VXN: variants seen among roughly 807,000 people sequenced by gnomAD.
VXN encodes the protein uncharacterized protein C8orf46.
Under a neutral mutation model 23.1 loss-of-function variants are expected in VXN, and 7 were observed. That is an observed-to-expected ratio of 0.30 (90% CI 0.17 to 0.57). The LOEUF (loss-of-function observed/expected upper bound fraction) is 0.57. Ranked by LOEUF, VXN falls within the 20% of genes least tolerant of loss-of-function variation. The probability of loss-of-function intolerance (pLI) is 0.91; values close to 1 mark genes in which losing one functional copy is unlikely to be tolerated. For synonymous variants in VXN, 120 were observed against 105.8 expected, an observed-to-expected ratio of 1.13 and a Z score of -0.83; for missense variants, 238 against 272.6, an observed-to-expected ratio of 0.87 and a Z score of 0.89.
chr8:66,503,389 TCTAA>T (rs956788157), intron 2 of VXN: 2 of 152,192 alleles, frequency 1.3e-5, no homozygotes, highest in Non-Finnish European at 2.9e-5. Flanking sequence ...TGACTGTCTT[TCTAA>T]CTGTCTATCA....
rs180939093 is a variant in VXN at position 66,509,284 on chromosome 8, C to G, written c.281-812C>G. On this transcript the variant is annotated intron_variant, in intron 3 of 5. Transcript: ENST00000305454. ...CAGAGAGACCTGTGCTGAAAGCCAG[C>G]TTTCCCCTACGTTTTATCAGCTACC... 1.9e-3 allele frequency among the ~76,000 whole-genome samples: 293 copies of G among 152,314 alleles called. 2 individuals are homozygous for G. The highest frequency in any genetic ancestry group is 6.6e-3 in the African/African-American group (276 of 41,570).
At chr8:66,496,553 C>A in intron 2 of VXN, 61 bp downstream of exon 2, 1 of 1,490,334 alleles carries the variant, frequency 6.7e-7, no homozygotes, top group South Asian at 1.1e-5. Flanking sequence ...CAATGCCAGG[C>A]TTCTTCTTCA....
At chr8:66,510,247 T>C (rs1807806841) in intron 4 of VXN, 90 bp downstream of exon 4, 10 of 1,077,898 alleles carry the variant, frequency 9.3e-6, no homozygotes, top group African/African-American at 1.6e-5. Context: ...AGAGACTCAG[T>C]GTTCTTTGTT....
chr8:66,510,302 C>A, intron 4 of VXN, 145 bp downstream of exon 4: 1 of 658,826 alleles, frequency 1.5e-6, no homozygotes, highest in Non-Finnish European at 2.5e-6. Flanking sequence ...CAGTTCTTTG[C>A]TCCCAAAAGC....
intron 2 of VXN, among the ~76,000 whole-genome samples, chr8:66,499,135 CTT>C (rs1385912689): frequency 7.4e-6 from 1 of 134,638 alleles, no homozygotes; most frequent in Admixed American, 7.4e-5. Flanking sequence ...ATTTTTTTCT[CTT>C]TTTTTTTTGG....
At chr8:66,509,188 C>A (rs1807793785) in intron 3 of VXN, among the ~76,000 whole-genome samples, 1 of 152,106 alleles carries the variant, frequency 6.6e-6, no homozygotes, top group South Asian at 2.1e-4. Flanking sequence ...GAGGTGTTTT[C>A]TTGTGGAAGG....
chr8:66,501,022 G>A (rs928926576), intron 2 of VXN, among the ~76,000 whole-genome samples: 5 of 151,820 alleles, frequency 3.3e-5, no homozygotes, highest in African/African-American at 9.7e-5. Context: ...ACAGGTGCCC[G>A]CCATCAGGCC....
intron 2 of VXN, among the ~76,000 whole-genome samples, chr8:66,503,083 A>G (rs1258599695): frequency 6.6e-6 from 1 of 152,096 alleles, no homozygotes. Flanking sequence ...CCTGGGTTCA[A>G]TGATCCGCCA....
rs1259443350 is a variant in VXN at position 66,518,102 on chromosome 8, T to C, written c.*2026T>C. The C allele has an allele frequency of 2.0e-5, 3 of 152,260 alleles. No individual in the cohort carries two copies. Among genetic ancestry groups the C allele is most frequent in the Non-Finnish European group, 2.9e-5 (2 of 68,052 alleles). 9.4% of individuals were successfully genotyped at this position (152,260 alleles called of 1,614,324 possible). On this transcript the variant is annotated 3_prime_UTR_variant, in exon 6 of 6. Transcript: ENST00000305454. ...CCCAGAGGACTGTTCAAAAGTCTCA[T>C]TCAATAGAGATGTTGGAGTCCAGAA...
rs146559733 is a variant in VXN, at chr8:66,513,212, G to A, written c.343-328G>A. ...GTTGCCATATAAGACTGAGCTGCGCGGTCTCCAGTTTCTCATTTCTCTCTC... is the reference window on the plus strand; with the variant it reads ...GTTGCCATATAAGACTGAGCTGCGCAGTCTCCAGTTTCTCATTTCTCTCTC... On this transcript the variant is annotated intron_variant, in intron 4 of 5. Transcript: ENST00000305454. Among the ~76,000 whole-genome samples, 406 of 152,292 alleles carry A rather than the reference G, an allele frequency of 2.7e-3. 3 individuals carry two copies. The highest frequency in any genetic ancestry group is 9.1e-3 in the African/African-American group (378 of 41,560).
chr8:66,493,647 A>C lies in VXN; in HGVS notation c.-2A>C, dbSNP rs561234199. 15 of 1,613,234 alleles carry C rather than the reference A, an allele frequency of 9.3e-6. No homozygotes were observed. The African/African-American group carries it at 1.7e-4, about 19-fold the overall frequency. ...CAGGCACTTCGGGAAGAGGAGGCTG[A>C]AATGATGCATCAGATTTACAGCTGC... On this transcript the variant is annotated 5_prime_UTR_variant, in exon 1 of 6. Transcript: ENST00000305454.
intron 2 of VXN, among the ~76,000 whole-genome samples, chr8:66,496,971 G>A (rs143264719): frequency 0.015 from 2,262 of 151,912 alleles, 67 homozygotes; most frequent in African/African-American, 0.052. Context: ...TGCAACCTCC[G>A]CCTCCAGGGT....
Position 66,516,699 on chromosome 8 carries a change from T to A in VXN, c.*623T>A, listed in dbSNP as rs1256863652. ...TTAAAAGTTAAATGTTGACTGCTAA[T>A]GTTTTCTGAAGTGGCATAGTCTAGT... On this transcript the variant is annotated 3_prime_UTR_variant, in exon 6 of 6. Transcript: ENST00000305454. 1.3e-5 allele frequency: 2 copies of A among 152,254 alleles called. No individual in the cohort carries two copies. Among genetic ancestry groups the A allele is most frequent in the African/African-American group, 4.8e-5 (2 of 41,470 alleles). 9.4% of individuals were successfully genotyped at this position (152,254 alleles called of 1,614,324 possible).
chr8:66,507,338 G>GT (rs2130552108), intron 3 of VXN, among the ~76,000 whole-genome samples: 1 of 152,228 alleles, frequency 6.6e-6, no homozygotes, highest in East Asian at 1.9e-4. Context: ...TCCGCCCCAC[G>GT]TGATTCTAAT....
chr8:66,517,418 C>T lies in VXN; in HGVS notation c.*1342C>T, dbSNP rs1304921670. The T allele has an allele frequency of 2.0e-5, 3 of 152,288 alleles. No individual in the cohort carries two copies. Among genetic ancestry groups the T allele is most frequent in the African/African-American group, 4.8e-5 (2 of 41,570 alleles). 9.4% of individuals were successfully genotyped at this position (152,288 alleles called of 1,614,324 possible). A position where few individuals can be genotyped will look rare whatever the true frequency, so the allele number is the denominator to read the frequency against. On this transcript the variant is annotated 3_prime_UTR_variant, in exon 6 of 6. Transcript: ENST00000305454. ...AGGTTAAATGATTAGACTAAGGCAC[C>T]TAACTTATGTGAGTGTCAGGCTTCA...
At chr8:66,509,113 C>T (rs953241930) in intron 3 of VXN, among the ~76,000 whole-genome samples, 11 of 152,218 alleles carry the variant, frequency 7.2e-5, no homozygotes, top group Middle Eastern at 3.2e-3. Context: ...TTATTAGTTA[C>T]GCCAGGGCTC....
At position 66,512,083 on chromosome 8, in the gene VXN, AG is replaced by A. The variant is rs376693961; in HGVS notation, c.343-1456del. Among the ~76,000 whole-genome samples, 751 of 150,738 alleles carry A rather than the reference AG, an allele frequency of 5.0e-3. 5 individuals carry two copies. Among genetic ancestry groups the A allele is most frequent in the African/African-American group, 0.017 (706 of 40,798 alleles). ...TCAGTTTCAAAAAAAAAAAAAAAAA[AG>A]AATGAAGAGGAAGAGGAGGCAGCAC... On this transcript the variant is annotated intron_variant, in intron 4 of 5. Transcript: ENST00000305454.
chr8:66,508,690 C>G (rs1482607190), intron 3 of VXN, among the ~76,000 whole-genome samples: 3 of 152,198 alleles, frequency 2.0e-5, no homozygotes, highest in Non-Finnish European at 4.4e-5. Context: ...CCCTGCAAGA[C>G]CACCCAAAGT....
At chr8:66,513,719 C>T (rs1198129803) in intron 5 of VXN, 82 bp downstream of exon 5, 1 of 1,192,724 alleles carries the variant, frequency 8.4e-7, no homozygotes, top group African/African-American at 1.5e-5. Context: ...ACCAGGCCGC[C>T]TGGTTGACAG....
Sources: allele counts gnomAD v4.1 joint callset (sites outside exome capture counted in the v4.1 genomes callset), GRCh38; gene constraint gnomAD v4.1.1; transcripts MANE v1.5; gene names NCBI Gene and HGNC (gene_info 2026-07-23, HGNC 2026-07-21).